ZCCHC17: variants seen among roughly 807,000 people sequenced by gnomAD.
ZCCHC17 encodes zinc finger CCHC-type containing 17.
In ZCCHC17, 18 loss-of-function variants were observed where a neutral mutation model predicts 30.6. The observed-to-expected ratio is 0.59, with a 90% confidence interval of 0.41 to 0.87. The LOEUF is 0.87. ZCCHC17 is among the 40% of genes least tolerant of loss of function. The pLI is 0.00. For missense variants in ZCCHC17, 263 were observed against 284.2 expected (o/e 0.93, Z 0.54); for synonymous variants, 88 against 92.4 (o/e 0.95, Z 0.27).
Position 31,310,039 on chromosome 1 carries a change from G to A in ZCCHC17, c.-55-5G>A. On this transcript the variant is annotated splice_polypyrimidine_tract_variant and splice_region_variant and intron_variant, in intron 1 of 7. Transcript: ENST00000344147. ...TCTAATTGGTGTCTGATTTCTTTATGACAGGACACTTGTATTAGCTTTAAT... is the reference window on the plus strand; with the variant it reads ...TCTAATTGGTGTCTGATTTCTTTATAACAGGACACTTGTATTAGCTTTAAT... 6.4e-7 allele frequency: 1 copy of A among 1,551,188 alleles called. No homozygotes were observed. The highest frequency in any genetic ancestry group is 8.9e-7 in the Non-Finnish European group (1 of 1,129,220).
intron 2 of ZCCHC17, among the ~76,000 whole-genome samples, chr1:31,315,576 T>TA (rs140023157): frequency 2.0e-4 from 31 of 151,360 alleles, no homozygotes; most frequent in African/African-American, 6.3e-4. Context: ...GGACTAGAAG[T>TA]AAAAAAAAAG....
At chr1:31,355,772 A>G (rs1639621299) in intron 7 of ZCCHC17, among the ~76,000 whole-genome samples, 2 of 152,216 alleles carry the variant, frequency 1.3e-5, no homozygotes, top group African/African-American at 4.8e-5. Context: ...ACCGTTAGCC[A>G]TCATGTGATG....
At chr1:31,350,149 A>G (rs533413810) in intron 7 of ZCCHC17, among the ~76,000 whole-genome samples, 1 of 152,348 alleles carries the variant, frequency 6.6e-6, no homozygotes, top group East Asian at 1.9e-4. Context: ...ACTATTCTGT[A>G]GGTTGATCAG....
intron 6 of ZCCHC17, among the ~76,000 whole-genome samples, chr1:31,347,465 T>C (rs1282292757): frequency 1.3e-5 from 2 of 152,122 alleles, no homozygotes; most frequent in African/African-American, 2.4e-5. Flanking sequence ...CTATTTATCA[T>C]TAGCATAGAG....
chr1:31,315,109 A>G (rs2148421751), intron 2 of ZCCHC17, among the ~76,000 whole-genome samples: 1 of 152,288 alleles, frequency 6.6e-6, no homozygotes. Flanking sequence ...GTCTCTCTCC[A>G]CTACTAGATC....
intron 1 of ZCCHC17, among the ~76,000 whole-genome samples, chr1:31,302,564 T>A (rs954447176): frequency 6.6e-6 from 1 of 152,222 alleles, no homozygotes; most frequent in African/African-American, 2.4e-5. Flanking sequence ...AGCTATATTC[T>A]ACAAAATTTA....
chr1:31,329,210 TG>T (rs1344889251), intron 3 of ZCCHC17, among the ~76,000 whole-genome samples: 1 of 152,222 alleles, frequency 6.6e-6, no homozygotes, highest in Non-Finnish European at 1.5e-5. Context: ...AATGAACAAA[TG>T]TATTTTTGTA....
intron 1 of ZCCHC17, among the ~76,000 whole-genome samples, chr1:31,304,472 T>C (rs1262823416): frequency 6.6e-6 from 1 of 151,590 alleles, no homozygotes; most frequent in East Asian, 1.9e-4. Flanking sequence ...TTAGTAGAGA[T>C]GGGGTTTCAT....
rs942679577 is a variant in ZCCHC17 at position 31,349,091 on chromosome 1, G to A, written c.564+117G>A. Reference sequence around the variant, plus strand: ...TCCCAGCTACTTGGGAGGATAAGGTGGGAGGATTGCTCGAGGCCAGAAGTT... The same window carrying A: ...TCCCAGCTACTTGGGAGGATAAGGTAGGAGGATTGCTCGAGGCCAGAAGTT... On this transcript the variant is annotated intron_variant, in intron 7 of 7. Coordinates refer to ENST00000344147, the MANE Select transcript of ZCCHC17 (RefSeq NM_016505.4). 6 of 1,259,402 alleles carry A rather than the reference G, an allele frequency of 4.8e-6. No individual in the cohort carries two copies. In the African/African-American group the frequency reaches 7.6e-5, roughly 16 times the overall value. The allele number at this position is 1,259,402 out of a possible 1,614,324, so 78.0% of individuals were successfully genotyped here.
chr1:31,304,076 A>G (rs1646384713), intron 1 of ZCCHC17, among the ~76,000 whole-genome samples: 1 of 152,110 alleles, frequency 6.6e-6, no homozygotes, highest in Admixed American at 6.5e-5. Flanking sequence ...GAGAGTGGCT[A>G]GTAATTGGTC....
intron 3 of ZCCHC17, among the ~76,000 whole-genome samples, chr1:31,334,329 CTCTCTCTCTGTGTGTGTGTG>C (rs1421970859): frequency 4.9e-5 from 3 of 61,300 alleles, no homozygotes; most frequent in South Asian, 1.6e-3. Flanking sequence ...CTCTCTCTCT[CTCTCTCTCTGTGTGTGTGTG>C]TGTGTGTGTG....
At chr1:31,363,054 CATGTAT>C (rs1557465457) in intron 7 of ZCCHC17, among the ~76,000 whole-genome samples, 2 of 151,818 alleles carry the variant, frequency 1.3e-5, no homozygotes, top group African/African-American at 2.4e-5. Flanking sequence ...TATAAATACA[CATGTAT>C]ATGTTATACG....
intron 3 of ZCCHC17, among the ~76,000 whole-genome samples, chr1:31,326,813 T>C (rs1448085929): frequency 1.3e-5 from 2 of 152,138 alleles, no homozygotes; most frequent in Non-Finnish European, 2.9e-5. Flanking sequence ...GATCTATAGG[T>C]TTATTGGATA....
chr1:31,328,577 A>G (rs1447173581), intron 3 of ZCCHC17, among the ~76,000 whole-genome samples: 1 of 151,248 alleles, frequency 6.6e-6, no homozygotes, highest in Non-Finnish European at 1.5e-5. Flanking sequence ...AAAACATAGT[A>G]TGTATAGGAT....
intron 3 of ZCCHC17, among the ~76,000 whole-genome samples, chr1:31,324,318 G>T (rs1638252445): frequency 6.6e-6 from 1 of 152,172 alleles, no homozygotes; most frequent in East Asian, 1.9e-4. Flanking sequence ...GGCGATGGAG[G>T]CCTGTCTAGA....
At chr1:31,307,952 C>T (rs1646507621) in intron 1 of ZCCHC17, among the ~76,000 whole-genome samples, 1 of 152,032 alleles carries the variant, frequency 6.6e-6, no homozygotes, top group Non-Finnish European at 1.5e-5. Context: ...CTGCTGGTGC[C>T]CCTATGGATT....
At chr1:31,312,165 T>C (rs1646621044) in intron 2 of ZCCHC17, among the ~76,000 whole-genome samples, 1 of 152,222 alleles carries the variant, frequency 6.6e-6, no homozygotes, top group Admixed American at 6.5e-5. Context: ...ACTCTTCCTT[T>C]TAACTACCCA....
intron 7 of ZCCHC17, among the ~76,000 whole-genome samples, chr1:31,358,272 C>T (rs2148481257): frequency 6.6e-6 from 1 of 152,278 alleles, no homozygotes; most frequent in African/African-American, 2.4e-5. Flanking sequence ...TCAGAAGGAA[C>T]CCAGATCACT....
In ZCCHC17 at chr1:31,297,043, C is replaced by T; in HGVS notation, c.-88C>T. On this transcript the variant is annotated 5_prime_UTR_variant, in exon 1 of 8. Transcript: ENST00000344147. ...TGACTGGGGTCGGCGTTTAGTTCAG[C>T]GCAGCGACTCGGGGACCTGGAGCTG... is the stretch of plus-strand genomic sequence containing the variant. 2.2e-6 allele frequency: 1 copy of T among 448,926 alleles called. No individual in the cohort carries two copies. The highest frequency in any genetic ancestry group is 3.4e-5 in the East Asian group (1 of 29,160). The allele number at this position is 448,926 out of a possible 1,614,324, so 27.8% of individuals were successfully genotyped here. A position where few individuals can be genotyped will look rare whatever the true frequency, so the allele number is the denominator to read the frequency against.
Sources: allele counts gnomAD v4.1 joint callset (sites outside exome capture counted in the v4.1 genomes callset), GRCh38; gene constraint gnomAD v4.1.1; transcripts MANE v1.5; gene names NCBI Gene and HGNC (gene_info 2026-07-23, HGNC 2026-07-21).